Variants in SMARCAL1 observed in about 807,000 individuals in gnomAD.
SMARCAL1 encodes ATP-driven annealing helicase.
Under a neutral mutation model 94.5 loss-of-function variants are expected in SMARCAL1, and 58 were observed. The ratio of observed to expected loss-of-function variants is 0.61; its 90% CI spans 0.50 to 0.76. The LOEUF (loss-of-function observed/expected upper bound fraction) is 0.76, where lower values mean the gene tolerates loss of function less well. Among genes scored for constraint, SMARCAL1 ranks in the 30% least tolerant of loss-of-function variants. The pLI, the probability that SMARCAL1 is intolerant of heterozygous loss-of-function variation, is 0.00. For missense variants in SMARCAL1, 1,051 were observed against 1,177.9 expected (o/e 0.89, Z 1.58); for synonymous variants, 422 against 455.1 (o/e 0.93, Z 0.93).
In SMARCAL1 at chr2:216,448,446, G is replaced by T. The variant is rs113360608; in HGVS notation, c.1851+1288G>T. 3.3e-3 allele frequency among the ~76,000 whole-genome samples: 496 copies of T among 152,210 alleles called. 2 individuals carry two copies. Among genetic ancestry groups the T allele is most frequent in the African/African-American group, 0.012 (483 of 41,532 alleles). Reference sequence around the variant, plus strand: ...ATTGATTGCCTTTCTTCCCCAAACTGTCCCTTCCTATGTTCCCCATCTTAG... The same window carrying T: ...ATTGATTGCCTTTCTTCCCCAAACTTTCCCTTCCTATGTTCCCCATCTTAG... On this transcript the variant is annotated intron_variant, in intron 11 of 17. Transcript: ENST00000357276.
intron 16 of SMARCAL1, 128 bp downstream of exon 16, chr2:216,477,337 A>C: frequency 1.3e-6 from 1 of 763,516 alleles, no homozygotes; most frequent in Non-Finnish European, 2.3e-6. Context: ...TAGAAAATTG[A>C]CTAGTGATGC....
chr2:216,465,235 A>G (rs186537637), intron 13 of SMARCAL1, among the ~76,000 whole-genome samples: 4 of 152,334 alleles, frequency 2.6e-5, no homozygotes, highest in Admixed American at 2.6e-4. Context: ...TGGAGCGACT[A>G]CTAGGATGTA....
chr2:216,455,676 C>G (rs1156656495), intron 12 of SMARCAL1, among the ~76,000 whole-genome samples: 1 of 152,146 alleles, frequency 6.6e-6, no homozygotes, highest in Non-Finnish European at 1.5e-5. Context: ...ACAGAAAGGA[C>G]GTGCACACCA....
At chr2:216,418,501 C>A (rs2449773) in intron 4 of SMARCAL1, among the ~76,000 whole-genome samples, 1 of 151,912 alleles carries the variant, frequency 6.6e-6, no homozygotes. Flanking sequence ...ATGATTGTGT[C>A]TCATGATTGG....
At position 216,415,320 on chromosome 2, in the gene SMARCAL1, T is replaced by C; in HGVS notation, c.616T>C (p.Tyr206His). Residue 206 changes from tyrosine (Y) to histidine (H), a missense_variant, in exon 3 of 18, where the codon TAC (tyrosine) becomes CAC (histidine). Physicochemically the swap from Tyr to His is moderately conservative, Grantham distance 83. Around this residue, in one of 3 missense-constraint regions of SMARCAL1, gnomAD observed 398 missense variants for 395.2 expected, o/e 1.01. Transcript: ENST00000357276. Reference protein sequence around the residue: ...KASPSGQNISYIHSSSESVTP... With the variant: ...KASPSGQNISHIHSSSESVTP... ...CTCCCCTTCGGGGCAGAACATTTCT[T>C]ACATCCATTCTAGCTCAGAGAGTGT... 6.2e-7 allele frequency: 1 copy of C among 1,614,240 alleles called. No homozygotes were observed. Among genetic ancestry groups the C allele is most frequent in the South Asian group, 1.1e-5 (1 of 91,084 alleles).
intron 6 of SMARCAL1, among the ~76,000 whole-genome samples, chr2:216,426,135 T>C (rs1348827964): frequency 6.6e-6 from 1 of 152,242 alleles, no homozygotes; most frequent in East Asian, 1.9e-4. Context: ...GTGCTGGGAT[T>C]ACAGGCGTGA....
Position 216,415,298 on chromosome 2 carries a change from C to T in SMARCAL1, c.594C>T (p.Ser198=). ...TAGAGGCCAAGACAGCAAAAGCCTC[C>T]CCTTCGGGGCAGAACATTTCTTACA... ...AKLEAKTAKA[S]PSGQNISYIH... The change falls in exon 3 of 18, where the codon TCC becomes TCT. Residue 198 remains serine, a synonymous_variant. Transcript: ENST00000357276. The T allele has an allele frequency of 6.2e-7, 1 of 1,614,234 alleles. No individual in the cohort carries two copies. The highest frequency in any genetic ancestry group is 8.5e-7 in the Non-Finnish European group (1 of 1,180,026).
intron 4 of SMARCAL1, among the ~76,000 whole-genome samples, chr2:216,417,509 C>A (rs1693627874): frequency 6.6e-6 from 1 of 152,184 alleles, no homozygotes; most frequent in Non-Finnish European, 1.5e-5. Flanking sequence ...GGGTCTCTCC[C>A]TTTTCTTAGA....
intron 12 of SMARCAL1, among the ~76,000 whole-genome samples, chr2:216,464,387 C>G (rs867211381): frequency 1.3e-5 from 2 of 152,192 alleles, no homozygotes; most frequent in South Asian, 4.1e-4. Flanking sequence ...GGCAGAGTAG[C>G]TCTAATGCCG....
At chr2:216,451,378 A>G (rs1328163948) in intron 12 of SMARCAL1, 6 of 388,366 alleles carry the variant, frequency 1.5e-5, no homozygotes, top group Non-Finnish European at 2.9e-5. Flanking sequence ...TATGTCTACT[A>G]TATTTTGAGA....
intron 4 of SMARCAL1, among the ~76,000 whole-genome samples, chr2:216,417,828 G>T (rs79101288): frequency 6.6e-6 from 1 of 152,148 alleles, no homozygotes; most frequent in Non-Finnish European, 1.5e-5. Context: ...CCCCTGTTGC[G>T]GTTGTTTTGT....
chr2:216,471,827 A>G (rs529212998), intron 14 of SMARCAL1, among the ~76,000 whole-genome samples: 1 of 152,242 alleles, frequency 6.6e-6, no homozygotes, highest in East Asian at 1.9e-4. Flanking sequence ...TATAATATTC[A>G]ATAATTAAAA....
chr2:216,414,537 A>G lies in SMARCAL1; in HGVS notation c.-58-110A>G, dbSNP rs926735116. On this transcript the variant is annotated intron_variant, in intron 2 of 17. Transcript: ENST00000357276. The stretch of plus-strand genomic sequence containing the variant: ...TAAAAGAAACTTTAATACATCCTTT[A>G]GTTGTGCTCATTATGCATTTTCTGG... The G allele has an allele frequency of 4.1e-5, 27 of 660,630 alleles. 1 individual carries two copies. In the Admixed American group the frequency reaches 5.1e-4, roughly 13 times the overall value. 40.9% of individuals were successfully genotyped at this position (660,630 alleles called of 1,614,324 possible).
At chr2:216,458,745 T>C (rs2106065088) in intron 12 of SMARCAL1, among the ~76,000 whole-genome samples, 1 of 152,300 alleles carries the variant, frequency 6.6e-6, no homozygotes, top group South Asian at 2.1e-4. Context: ...TGGCAAAAAC[T>C]GGAAGCATTC....
chr2:216,424,733 A>C (rs1406200546), intron 6 of SMARCAL1, among the ~76,000 whole-genome samples: 2 of 152,230 alleles, frequency 1.3e-5, no homozygotes, highest in African/African-American at 4.8e-5. Context: ...ATAGGAATTA[A>C]ATATAAAGGA....
At chr2:216,468,911 C>T (rs572583995) in intron 14 of SMARCAL1, among the ~76,000 whole-genome samples, 1 of 152,222 alleles carries the variant, frequency 6.6e-6, no homozygotes, top group South Asian at 2.1e-4. Context: ...CGGGGTTTCA[C>T]CATGTTGCCC....
chr2:216,440,126 A>C (rs1233146849), intron 10 of SMARCAL1, among the ~76,000 whole-genome samples: 6 of 152,090 alleles, frequency 3.9e-5, no homozygotes, highest in Non-Finnish European at 7.4e-5. Context: ...TGATGGACAC[A>C]TTTAAATAAA....
chr2:216,454,203 T>G (rs575821085), intron 12 of SMARCAL1, among the ~76,000 whole-genome samples: 1 of 152,358 alleles, frequency 6.6e-6, no homozygotes, highest in African/African-American at 2.4e-5. Context: ...TATTTAAAAT[T>G]TCCTGGCCAG....
intron 12 of SMARCAL1, among the ~76,000 whole-genome samples, chr2:216,456,474 C>T (rs1201028008): frequency 6.6e-6 from 1 of 152,166 alleles, no homozygotes; most frequent in African/African-American, 2.4e-5. Flanking sequence ...AAAGGGAAGC[C>T]CATCAGACTA....
Sources: gnomAD v4.1 joint callset for allele counts (sites outside exome capture counted in the v4.1 genomes callset) on GRCh38, gnomAD v4.1.1 for gene constraint, gnomAD v4.1.1 regional missense constraint, MANE v1.5 for transcripts, NCBI Gene and HGNC (gene_info 2026-07-23, HGNC 2026-07-21) for gene names.